Variants in NPAS3 observed in about 807,000 individuals in gnomAD.
The protein encoded by NPAS3 is neuronal PAS domain-containing protein 3.
Under a neutral mutation model 73.1 loss-of-function variants are expected in NPAS3, and 14 were observed. That is an observed-to-expected ratio of 0.19 (90% CI 0.13 to 0.30). NPAS3 has a LOEUF of 0.30. NPAS3 is among the 10% of genes least tolerant of loss of function. The pLI, the probability that NPAS3 is intolerant of heterozygous loss-of-function variation, is 1.00. For synonymous variants in NPAS3, 620 were observed against 541.5 expected (o/e 1.14, Z -2.01); for missense variants, 1,096 against 1,250.0 (o/e 0.88, Z 1.86).
At chr14:33,560,515 G>A in intron 5 of NPAS3, 1 of 231,184 alleles carries the variant, frequency 4.3e-6, no homozygotes, top group South Asian at 9.3e-5. Context: ...GTGCCCAGTA[G>A]GAGAGGGACA....
chr14:33,588,027 G>T (rs1053916335), intron 5 of NPAS3, among the ~76,000 whole-genome samples: 6 of 152,156 alleles, frequency 3.9e-5, no homozygotes, highest in Non-Finnish European at 5.9e-5. Context: ...AGTCGAGTGT[G>T]TTCCCTAAAA....
At chr14:33,334,720 T>TTGGTTAGTA (rs1418773659) in intron 3 of NPAS3, among the ~76,000 whole-genome samples, 2 of 152,126 alleles carry the variant, frequency 1.3e-5, no homozygotes, top group African/African-American at 2.4e-5. Context: ...TCAGTAGAAT[T>TTGGTTAGTA]TTGGGGAACC....
rs144972549 is a variant in NPAS3 at position 33,676,378 on chromosome 14, C to T, written c.726C>T (p.Pro242=). 4,822 of 1,563,932 alleles carry T rather than the reference C, an allele frequency of 3.1e-3. 232 individuals carry two copies. The Admixed American group carries it at 0.091, about 30-fold the overall frequency. The change falls in exon 6 of 12, where the codon CCC becomes CCT. Residue 242 remains proline (P), a synonymous_variant. Transcript: ENST00000356141. ...CTTCCTCCTCTCAGTCGGAGACCCC[C>T]GAGCCAGGTGGGAATTGCAAACCCA... is the stretch of plus-strand genomic sequence containing the variant.
chr14:33,686,179 G>C (rs1006027384), intron 6 of NPAS3, among the ~76,000 whole-genome samples: 4 of 152,296 alleles, frequency 2.6e-5, no homozygotes, highest in African/African-American at 7.2e-5. Context: ...CCAAAAGGTA[G>C]AGGTGATCTC....
At chr14:33,537,533 A>G (rs1295764793) in intron 4 of NPAS3, among the ~76,000 whole-genome samples, 1 of 152,312 alleles carries the variant, frequency 6.6e-6, no homozygotes, top group East Asian at 1.9e-4. Flanking sequence ...TTATATTCAA[A>G]CCAAAGCCTC....
chr14:33,582,970 G>GTTTTTTTTTTTT (rs55885070), intron 5 of NPAS3, among the ~76,000 whole-genome samples: 4,021 of 91,834 alleles, frequency 0.044, 145 homozygotes, highest in Admixed American at 0.072. Context: ...TATTTAAAGG[G>GTTTTTTTTTTTT]TTTTTTTTTT....
At chr14:33,307,500 C>G (rs966368820) in intron 3 of NPAS3, among the ~76,000 whole-genome samples, 1 of 151,720 alleles carries the variant, frequency 6.6e-6, no homozygotes, top group African/African-American at 2.4e-5. Context: ...CAAATGCATG[C>G]TACAGAAATG....
intron 1 of NPAS3, among the ~76,000 whole-genome samples, chr14:33,027,567 T>G (rs2138316574): frequency 6.6e-6 from 1 of 152,328 alleles, no homozygotes. Context: ...CAGCTTCCAC[T>G]TAATTTTGGC....
chr14:33,142,244 A>AT (rs201517320), intron 2 of NPAS3, among the ~76,000 whole-genome samples: 542 of 26,814 alleles, frequency 0.02, 6 homozygotes, highest in African/African-American at 0.074. Flanking sequence ...TCCTTCTGGG[A>AT]TTTTTTTTCA....
intron 2 of NPAS3, among the ~76,000 whole-genome samples, chr14:33,212,714 A>G (rs1195875050): frequency 6.6e-6 from 1 of 152,234 alleles, no homozygotes; most frequent in Non-Finnish European, 1.5e-5. Flanking sequence ...CTATACATTA[A>G]TATCAATTTC....
intron 6 of NPAS3, 28 bp from the exon 7 acceptor site, chr14:33,735,184 CGT>C: frequency 6.7e-7 from 1 of 1,492,196 alleles, no homozygotes; most frequent in Non-Finnish European, 9.4e-7. Context: ...AGATCTAAAT[CGT>C]GTGTGTCTGT....
intron 1 of NPAS3, among the ~76,000 whole-genome samples, chr14:32,949,376 T>C (rs2036392685): frequency 6.6e-6 from 1 of 152,108 alleles, no homozygotes; most frequent in Non-Finnish European, 1.5e-5. Context: ...AATTTCATGA[T>C]CTGTGTAGTG....
intron 1 of NPAS3, among the ~76,000 whole-genome samples, chr14:32,959,991 T>C (rs1270212684): frequency 2.0e-5 from 3 of 151,532 alleles, no homozygotes; most frequent in Admixed American, 2.0e-4. Flanking sequence ...TTTTTTTTTT[T>C]TTTTTGGTGA....
chr14:33,538,391 A>C (rs1197845548), intron 4 of NPAS3, among the ~76,000 whole-genome samples: 4 of 152,210 alleles, frequency 2.6e-5, no homozygotes, highest in African/African-American at 7.2e-5. Flanking sequence ...TGCTGTTAGC[A>C]CAGCAGCACT....
rs144914938 is a variant in NPAS3, at chr14:33,669,908, TTTTTGTTTGC to T, written c.559-6293_559-6284del. Among the ~76,000 whole-genome samples, 842 of 150,164 alleles carry T rather than the reference TTTTTGTTTGC, an allele frequency of 5.6e-3. 8 individuals carry two copies. Among genetic ancestry groups the T allele is most frequent in the African/African-American group, 0.019 (772 of 40,776 alleles). On this transcript the variant is annotated intron_variant, in intron 5 of 11. Transcript: ENST00000356141. The stretch of plus-strand genomic sequence containing the variant: ...TGTTGTTGTTTGTTTTTTTGGGGGT[TTTTTGTTTGC>T]TTTTGTTTGTTTTTGAGACAGAGTC...
chr14:33,506,057 A>C (rs1422674682), intron 4 of NPAS3, among the ~76,000 whole-genome samples: 1 of 151,842 alleles, frequency 6.6e-6, no homozygotes, highest in Non-Finnish European at 1.5e-5. Context: ...GCAACACTCT[A>C]TCTTATCCTG....
At chr14:33,556,731 C>A (rs1441349552) in intron 4 of NPAS3, among the ~76,000 whole-genome samples, 2 of 152,196 alleles carry the variant, frequency 1.3e-5, no homozygotes, top group African/African-American at 4.8e-5. Flanking sequence ...TCTTGTCTGG[C>A]CACTTAGCCT....
chr14:33,286,081 C>G (rs80240387), intron 3 of NPAS3, among the ~76,000 whole-genome samples: 3,469 of 152,166 alleles, frequency 0.023, 134 homozygotes, highest in African/African-American at 0.078. Context: ...CTCTTATCTT[C>G]CCTGTTGTGC....
At chr14:33,382,228 A>G (rs937994353) in intron 4 of NPAS3, among the ~76,000 whole-genome samples, 6 of 152,036 alleles carry the variant, frequency 3.9e-5, no homozygotes, top group African/African-American at 1.2e-4. Context: ...ACTGCTTACA[A>G]TTCATTGCAT....
Sources: allele counts gnomAD v4.1 joint callset (sites outside exome capture counted in the v4.1 genomes callset), GRCh38; gene constraint gnomAD v4.1.1; transcripts MANE v1.5; gene names NCBI Gene and HGNC (gene_info 2026-07-23, HGNC 2026-07-21).